ABLIM1: variants seen among roughly 807,000 people sequenced by gnomAD.
ABLIM1 encodes actin binding LIM protein 1, also known as actin-binding LIM protein 1.
In ABLIM1, 40 loss-of-function variants were observed where a neutral mutation model predicts 107.0. The observed-to-expected ratio is 0.37, with a 90% CI of 0.29 to 0.49. The LOEUF is 0.49. ABLIM1 is among the 20% of genes least tolerant of loss of function. ABLIM1 has a pLI of 0.97. For synonymous variants in ABLIM1, 357 were observed against 357.3 expected, an observed-to-expected ratio of 1.00 and a Z score of 0.01; for missense variants, 857 against 1,008.5, an observed-to-expected ratio of 0.85 and a Z score of 2.04.
chr10:114,438,607 G>A (rs922842252), intron 21 of ABLIM1, among the ~76,000 whole-genome samples: 9 of 152,210 alleles, frequency 5.9e-5, no homozygotes, highest in African/African-American at 2.2e-4. Flanking sequence ...GGGTGCATTT[G>A]TGCTGGGGTT....
chr10:114,444,162 A>AAG, intron 16 of ABLIM1, 28 bp from the exon 17 acceptor site: 1 of 1,516,674 alleles, frequency 6.6e-7, no homozygotes, highest in Non-Finnish European at 8.9e-7. Context: ...GAAAAAAAAA[A>AAG]AAAAAAGAAA....
rs1264865012 is a variant in ABLIM1, at chr10:114,718,041, AAG to A, written c.-213+50018_-213+50019del. 5.1e-3 allele frequency among the ~76,000 whole-genome samples: 430 copies of A among 84,818 alleles called. 1 individual carries two copies. Among genetic ancestry groups the A allele is most frequent in the East Asian group, 0.035 (106 of 2,988 alleles). The allele number at this position is 84,818 out of a possible 152,430, so 55.6% of individuals were successfully genotyped here. On this transcript the variant is annotated intron_variant, in intron 1 of 15. Transcript: ENST00000651092. ...AAGGAAGGAAGGAAGGAGAAAGAGA[AAG>A]AGAAAGAAAGAAAGAAAGAAAGGAA...
intron 2 of ABLIM1, among the ~76,000 whole-genome samples, chr10:114,579,417 G>A (rs2073081420): frequency 1.3e-5 from 2 of 152,098 alleles, no homozygotes; most frequent in Non-Finnish European, 2.9e-5. Flanking sequence ...CAGAGTAAAC[G>A]ATTTTAAAAA....
intron 6 of ABLIM1, chr10:114,527,020 T>C (rs1040168543): frequency 3.1e-6 from 3 of 968,378 alleles, no homozygotes; most frequent in East Asian, 2.3e-4. Flanking sequence ...CTTTCTTTTT[T>C]TAAATGCAGG....
upstream of ABLIM1, among the ~76,000 whole-genome samples, chr10:114,769,499 GAA>G (rs1404912871): frequency 1.3e-5 from 2 of 149,554 alleles, no homozygotes; most frequent in Non-Finnish European, 3.0e-5. Flanking sequence ...GAAAGGGAAG[GAA>G]GAGAGAGAAG....
chr10:114,524,524 G>GA (rs1159275986), intron 6 of ABLIM1, among the ~76,000 whole-genome samples: 2 of 149,494 alleles, frequency 1.3e-5, no homozygotes, highest in Admixed American at 6.7e-5. Context: ...GATTCTAGAA[G>GA]AAAAAAAAAC....
intron 7 of ABLIM1, among the ~76,000 whole-genome samples, chr10:114,489,782 C>T (rs2058684492): frequency 6.6e-6 from 1 of 152,186 alleles, no homozygotes; most frequent in Non-Finnish European, 1.5e-5. Flanking sequence ...ACATCAGATG[C>T]TGAAGAAGAT....
At chr10:114,475,923 C>A (rs765771589) in intron 8 of ABLIM1, among the ~76,000 whole-genome samples, 1 of 151,932 alleles carries the variant, frequency 6.6e-6, no homozygotes, top group South Asian at 2.1e-4. Context: ...AGGAATAAGA[C>A]CTTGCCTTCT....
intron 1 of ABLIM1, among the ~76,000 whole-genome samples, chr10:114,605,672 T>A (rs1242270055): frequency 6.6e-6 from 1 of 152,150 alleles, no homozygotes; most frequent in Non-Finnish European, 1.5e-5. Context: ...ACCAAAAGCA[T>A]GGCTGCACAC....
At chr10:114,611,970 G>A (rs1013988726) in intron 1 of ABLIM1, among the ~76,000 whole-genome samples, 1 of 152,086 alleles carries the variant, frequency 6.6e-6, no homozygotes, top group South Asian at 2.1e-4. Flanking sequence ...TTAGGGGACT[G>A]GATTCCCAGT....
At chr10:114,499,650 T>C (rs1054979801) in intron 6 of ABLIM1, among the ~76,000 whole-genome samples, 4 of 152,166 alleles carry the variant, frequency 2.6e-5, no homozygotes, top group African/African-American at 7.2e-5. Context: ...AATGAGTCTA[T>C]GCAGATCACC....
At chr10:114,796,232 G>A in the ABLIM1 span, among the ~76,000 whole-genome samples, 1 of 152,310 alleles carries the variant, frequency 6.6e-6, no homozygotes, top group Admixed American at 6.5e-5. Flanking sequence ...GTTTCTGTGG[G>A]TTGGGAATTC....
chr10:114,778,565 C>CCAAA, the ABLIM1 span: 1 of 108,590 alleles, frequency 9.2e-6, no homozygotes, highest in African/African-American at 3.6e-5. Context: ...CATTCATCAT[C>CCAAA]CAGACACACA....
In ABLIM1 at chr10:114,719,245, G is replaced by A. The variant is rs529365499; in HGVS notation, c.-213+48816C>T. On this transcript the variant is annotated intron_variant, in intron 1 of 15. Transcript: ENST00000651092. ...AATATCTAAGATTTCTCTGTAAAAT[G>A]TGAAATAAGCATTTTTTGACTGCCT... Among the ~76,000 whole-genome samples the A allele has an allele frequency of 6.5e-4, 99 of 152,308 alleles. 3 individuals carry two copies. The South Asian group carries it at 0.02, about 30-fold the overall frequency.
intron 1 of ABLIM1, among the ~76,000 whole-genome samples, chr10:114,719,444 T>C (rs115989871): frequency 0.054 from 8,239 of 152,282 alleles, 721 homozygotes; most frequent in African/African-American, 0.18. Flanking sequence ...TGCCAAATCC[T>C]ATCCTTACAC....
chr10:114,543,901 C>A (rs984424966), intron 6 of ABLIM1, among the ~76,000 whole-genome samples: 2 of 152,216 alleles, frequency 1.3e-5, no homozygotes, highest in Admixed American at 1.3e-4. Flanking sequence ...ACAACCACAC[C>A]CTTCTCTCCC....
At chr10:114,443,463 C>A (rs1313908092) in intron 17 of ABLIM1, among the ~76,000 whole-genome samples, 1 of 151,788 alleles carries the variant, frequency 6.6e-6, no homozygotes, top group Admixed American at 6.6e-5. Context: ...CAGGAGCCCA[C>A]CACCACGCCT....
At chr10:114,591,649 T>G (rs1328761137) in intron 2 of ABLIM1, among the ~76,000 whole-genome samples, 1 of 152,184 alleles carries the variant, frequency 6.6e-6, no homozygotes, top group Non-Finnish European at 1.5e-5. Context: ...TTCTCATACT[T>G]AACAAAAATA....
intron 7 of ABLIM1, among the ~76,000 whole-genome samples, chr10:114,489,726 A>G (rs1267414241): frequency 6.6e-6 from 1 of 152,156 alleles, no homozygotes; most frequent in Non-Finnish European, 1.5e-5. Flanking sequence ...CAATGGCACT[A>G]TTGTTCTCCA....
Sources: allele counts gnomAD v4.1 joint callset (sites outside exome capture counted in the v4.1 genomes callset), GRCh38; gene constraint gnomAD v4.1.1; transcripts MANE v1.5; gene names NCBI Gene and HGNC (gene_info 2026-07-23, HGNC 2026-07-21).